Variants in GAA observed in about 807,000 individuals in gnomAD.
GAA encodes alpha glucosidase, also known as lysosomal alpha-glucosidase.
A neutral mutation model predicts 103.9 loss-of-function variants in GAA; 88 were observed. The ratio of observed to expected loss-of-function variants is 0.85; its 90% confidence interval spans 0.71 to 1.01. GAA has a LOEUF of 1.01. Among genes scored for constraint, GAA ranks in the 50% least tolerant of loss-of-function variants. The pLI is 0.00. For synonymous variants in GAA, 572 were observed against 563.1 expected (o/e 1.02, Z -0.22); for missense variants, 1,350 against 1,305.3 (o/e 1.03, Z -0.53).
chr17:80,108,663 G>A (rs1473855905), intron 7 of GAA, 34 bp from the exon 8 acceptor site: 2 of 1,612,758 alleles, frequency 1.2e-6, no homozygotes, highest in East Asian at 2.2e-5. Context: ...CGTCTCCTCA[G>A]GCCCCAGCAG....
chr17:80,112,928 C>G lies in GAA; in HGVS notation c.1941C>G (p.Cys647Trp), dbSNP rs776948121. The G allele has an allele frequency of 6.2e-6, 10 of 1,610,340 alleles. No individual in the cohort carries two copies. Among genetic ancestry groups the G allele is most frequent in the Admixed American group, 1.7e-5 (1 of 59,728 alleles). ...LGVPLVGADV[C>W]GFLGNTSEEL... ...TGCCTCTGGTCGGGGCCGACGTCTG[C>G]GGCTTCCTGGGCAACACCTCAGAGG... is the stretch of plus-strand genomic sequence containing the variant. Residue 647 changes from cysteine to tryptophan, a missense_variant, in exon 14 of 20, where the codon TGC becomes TGG. Transcript: ENST00000302262.
At position 80,104,830 on chromosome 17, in the gene GAA, T is replaced by C. The variant is rs1252748852; in HGVS notation, c.244T>C (p.Cys82Arg). 1.2e-5 allele frequency: 20 copies of C among 1,612,474 alleles called. No homozygotes were observed. Among genetic ancestry groups the C allele is most frequent in the Non-Finnish European group, 1.5e-5 (18 of 1,179,842 alleles). Residue 82 changes from cysteine to arginine, a missense_variant, in exon 2 of 20, where the codon TGC (cysteine) becomes CGC (arginine). Coordinates refer to ENST00000302262, the MANE Select transcript of GAA (RefSeq NM_000152.5). This position sits in a 1 kb window ranked among gnomAD's most constrained non-coding sequence, Gnocchi z 4.0. ...PGRPRAVPTQCDVPPNSRFDC... is the reference protein window; with the variant it reads ...PGRPRAVPTQRDVPPNSRFDC... The stretch of plus-strand genomic sequence containing the variant: ...CCGTCCCAGAGCAGTGCCCACACAG[T>C]GCGACGTCCCCCCCAACAGCCGCTT...
chr17:80,110,972 G>C lies in GAA; in HGVS notation c.1583G>C (p.Gly528Ala), dbSNP rs794727016. ...DMNEPSNFIR[G>A]SEDGCPNNEL... is the part of the protein sequence containing the mutation. ...AACGAGCCTTCCAACTTCATCAGGGGCTCTGAGGACGGCTGCCCCAACAAT... is the reference window on the plus strand; with the variant it reads ...AACGAGCCTTCCAACTTCATCAGGGCCTCTGAGGACGGCTGCCCCAACAAT... The change falls in exon 11 of 20, where the codon GGC (glycine) becomes GCC (alanine). Residue 528 changes from glycine (G) to alanine (A), a missense_variant. Coordinates refer to ENST00000302262, the MANE Select transcript of GAA (RefSeq NM_000152.5). The C allele has an allele frequency of 6.2e-7, 1 of 1,613,850 alleles. No individual in the cohort carries two copies. Among genetic ancestry groups the C allele is most frequent in the Non-Finnish European group, 8.5e-7 (1 of 1,179,948 alleles).
chr17:80,104,940 G>A lies in GAA; in HGVS notation c.354G>A (p.Gln118=), dbSNP rs2039040096. 3 of 1,612,384 alleles carry A rather than the reference G, an allele frequency of 1.9e-6. No individual in the cohort carries two copies. In the East Asian group the frequency reaches 6.7e-5, roughly 36 times the overall value. ...ACATCCCTGCAAAGCAGGGGCTGCA[G>A]GGAGCCCAGATGGGGCAGCCCTGGT... The part of the protein sequence containing the change: ...CCYIPAKQGL[Q]GAQMGQPWCF... The change falls in exon 2 of 20, where the codon CAG becomes CAA. Residue 118 remains glutamine (Q), a synonymous_variant. Coordinates refer to ENST00000302262, the MANE Select transcript of GAA (RefSeq NM_000152.5). This position sits in a 1 kb window ranked among gnomAD's most constrained non-coding sequence, Gnocchi z 4.0.
In GAA at chr17:80,108,804, C is replaced by T. The variant is rs752231775; in HGVS notation, c.1302C>T (p.Gly434=). Reference sequence around the variant, plus strand: ...CCATGGTGCAGGAGCTGCACCAGGGCGGCCGGCGCTACATGATGATCGTGG... The same window carrying T: ...CCATGGTGCAGGAGCTGCACCAGGGTGGCCGGCGCTACATGATGATCGTGG... The part of the protein sequence containing the change: ...FPAMVQELHQ[G]GRRYMMIVDP... Residue 434 remains glycine (G), a synonymous_variant, in exon 8 of 20, where the codon GGC becomes GGT. Transcript: ENST00000302262. 45 of 1,601,250 alleles carry T rather than the reference C, an allele frequency of 2.8e-5. No homozygotes were observed. The East Asian group carries it at 3.4e-4, about 12-fold the overall frequency.
chr17:80,106,429 CGCAGGGG>C (rs2039089751), intron 3 of GAA, among the ~76,000 whole-genome samples: 10 of 35,930 alleles, frequency 2.8e-4, no homozygotes, highest in South Asian at 8.8e-4. Flanking sequence ...GCTGTGCAGA[CGCAGGGG>C]ACAGGGATGG....
intron 3 of GAA, among the ~76,000 whole-genome samples, chr17:80,106,414 A>G (rs924973878): frequency 1.6e-4 from 24 of 152,186 alleles, no homozygotes; most frequent in African/African-American, 5.3e-4. Flanking sequence ...CCCCTCTAGA[A>G]GCCAGCTGTG....
At chr17:80,111,929 C>T (rs1040978148) in intron 11 of GAA, 54 bp from the exon 12 acceptor site, 1 of 1,504,502 alleles carries the variant, frequency 6.6e-7, no homozygotes, top group African/African-American at 1.4e-5. Flanking sequence ...AGGGAGGGCA[C>T]CTTGGAGCCT....
In GAA at chr17:80,118,917, C is replaced by T. The variant is rs2039421810; in HGVS notation, c.2799+112C>T. On this transcript the variant is annotated intron_variant, in intron 19 of 19. Transcript: ENST00000302262. ...CCAGGAACAGAGGATGCTGGGACCT[C>T]CCAAGGGGGTCTTTGGGGAGGAGTG... The T allele has an allele frequency of 3.0e-6, 4 of 1,324,610 alleles. No homozygotes were observed. In the South Asian group the frequency reaches 3.7e-5, roughly 12 times the overall value. The allele number at this position is 1,324,610 out of a possible 1,614,324, so 82.1% of individuals were successfully genotyped here.
chr17:80,108,923 C>G (rs183987221), intron 8 of GAA, 95 bp downstream of exon 8: 3 of 1,415,354 alleles, frequency 2.1e-6, no homozygotes, highest in African/African-American at 2.9e-5. Flanking sequence ...CCTGTGTGGT[C>G]GCCGAGGATG....
Position 80,105,178 on chromosome 17 carries a change from C to G in GAA, c.546+46C>G, listed in dbSNP as rs1036233043. 3 of 1,541,142 alleles carry G rather than the reference C, an allele frequency of 1.9e-6. No individual in the cohort carries two copies. The African/African-American group carries it at 4.1e-5, about 21-fold the overall frequency. ...GGCGGCGGCCAGGGCAGAGGGTGCG[C>G]GTGGACATCGACACCCACGCACCTC... On this transcript the variant is annotated intron_variant, in intron 2 of 19. Coordinates refer to ENST00000302262, the MANE Select transcript of GAA (RefSeq NM_000152.5).
intron 11 of GAA, chr17:80,111,589 G>T: frequency 3.1e-6 from 1 of 320,342 alleles, no homozygotes; most frequent in South Asian, 3.2e-5. Flanking sequence ...TTACAAGGAA[G>T]TACAAGGATG....
At chr17:80,117,867 A>G (rs1187208396) in intron 17 of GAA, 118 bp downstream of exon 17, 36 of 1,081,354 alleles carry the variant, frequency 3.3e-5, no homozygotes, top group Non-Finnish European at 4.5e-5. Flanking sequence ...CGCCCCCCGC[A>G]GTGTAGGTTA....
rs752088707 is a variant in GAA, at chr17:80,113,388, G to A, written c.2189+22G>A. The A allele has an allele frequency of 4.2e-5, 64 of 1,535,230 alleles. No homozygotes were observed. Among genetic ancestry groups the A allele is most frequent in the Middle Eastern group, 1.7e-4 (1 of 5,758 alleles). On this transcript the variant is annotated intron_variant, in intron 15 of 19. Coordinates refer to ENST00000302262, the MANE Select transcript of GAA (RefSeq NM_000152.5). ...TGGAGTGAGTGACCTAGGCAGGGGC[G>A]GTGGCCCATGTGTGCCCTGGGGGAG...
At position 80,118,232 on chromosome 17, in the gene GAA, A is replaced by G. The variant is rs1184116513; in HGVS notation, c.2521A>G (p.Met841Val). ...LTTTESRQQP[M>V]ALAVALTKGG... ...AACCACAGAGTCCCGCCAGCAGCCCATGGCCCTGGCTGTGGCCCTGACCAA... is the reference window on the plus strand; with the variant it reads ...AACCACAGAGTCCCGCCAGCAGCCCGTGGCCCTGGCTGTGGCCCTGACCAA... Residue 841 changes from methionine (M) to valine (V), a missense_variant, in exon 18 of 20, where the codon ATG (methionine) becomes GTG (valine). Met to Val is a conservative substitution (Grantham distance 21). Coordinates refer to ENST00000302262, the MANE Select transcript of GAA (RefSeq NM_000152.5). 7.4e-6 allele frequency: 12 copies of G among 1,612,780 alleles called. No homozygotes were observed. Among genetic ancestry groups the G allele is most frequent in the Non-Finnish European group, 1.0e-5 (12 of 1,179,684 alleles).
chr17:80,116,982 C>T lies in GAA; in HGVS notation c.2204C>T (p.Ser735Phe), dbSNP rs1433908909. Residue 735 changes from serine to phenylalanine, a missense_variant, in exon 16 of 20, where the codon TCT becomes TTT. Ser to Phe is a radical substitution (Grantham distance 155, BLOSUM62 -2). Coordinates refer to ENST00000302262, the MANE Select transcript of GAA (RefSeq NM_000152.5). ...RPLFLEFPKD[S>F]STWTVDHQLL... The stretch of plus-strand genomic sequence containing the variant: ...CCCCCTTGCAGGTTCCCCAAGGACT[C>T]TAGCACCTGGACTGTGGACCACCAG... 2 of 1,613,808 alleles carry T rather than the reference C, an allele frequency of 1.2e-6. No homozygotes were observed. Among genetic ancestry groups the T allele is most frequent in the East Asian group, 4.5e-5 (2 of 44,874 alleles).
chr17:80,117,519 G>T, intron 16 of GAA, 81 bp from the exon 17 acceptor site: 1 of 1,532,990 alleles, frequency 6.5e-7, no homozygotes, highest in South Asian at 1.1e-5. Flanking sequence ...TGGAGCCCCG[G>T]GAGATGGAGA....
chr17:80,114,366 C>T (rs772238725), intron 15 of GAA, among the ~76,000 whole-genome samples: 7 of 151,358 alleles, frequency 4.6e-5, no homozygotes, highest in Admixed American at 1.3e-4. Context: ...ATCCAAGAAA[C>T]GCAATTTGTG....
At chr17:80,116,890 T>G in intron 15 of GAA, 78 bp from the exon 16 acceptor site, 1 of 1,537,632 alleles carries the variant, frequency 6.5e-7, no homozygotes, top group East Asian at 2.2e-5. Context: ...CCTCTTCCTG[T>G]GCCTCCCCAG....
Sources: allele counts gnomAD v4.1 joint callset (sites outside exome capture counted in the v4.1 genomes callset), GRCh38; gene constraint gnomAD v4.1.1; non-coding constraint Gnocchi (gnomAD v3.1); transcripts MANE v1.5; gene names NCBI Gene and HGNC (gene_info 2026-07-23, HGNC 2026-07-21).